NME5: variants seen among roughly 807,000 people sequenced by gnomAD.
NME5 encodes NME/NM23 family member 5, also known as nucleoside diphosphate kinase 5.
In NME5, 18 loss-of-function variants were observed where a neutral mutation model predicts 21.6. The ratio of observed to expected loss-of-function variants is 0.83; its 90% CI spans 0.58 to 1.24. The LOEUF is 1.24. NME5 is among the 50% of genes most tolerant of loss of function. The probability of loss-of-function intolerance (pLI) is 0.00; values close to 1 mark genes in which losing one functional copy is unlikely to be tolerated. For synonymous variants in NME5, 70 were observed against 80.6 expected (o/e 0.87, Z 0.71); for missense variants, 223 against 255.4 (o/e 0.87, Z 0.86).
chr5:138,133,452 T>C (rs989945963), intron 2 of NME5, among the ~76,000 whole-genome samples: 70 of 152,252 alleles, frequency 4.6e-4, no homozygotes, highest in African/African-American at 1.7e-3. Flanking sequence ...AATTATTCCA[T>C]TGGTTGCTTT....
At chr5:138,122,122 A>G (rs779438259) in intron 4 of NME5, among the ~76,000 whole-genome samples, 6 of 152,148 alleles carry the variant, frequency 3.9e-5, no homozygotes, top group Non-Finnish European at 8.8e-5. Context: ...TCAGTGTACA[A>G]GAATTGCACT....
chr5:138,136,792 G>A (rs1275714898), intron 2 of NME5, among the ~76,000 whole-genome samples: 4 of 151,850 alleles, frequency 2.6e-5, no homozygotes, highest in African/African-American at 7.3e-5. Flanking sequence ...ACAGGCATGC[G>A]CCCCCACGCC....
intron 4 of NME5, among the ~76,000 whole-genome samples, chr5:138,126,811 G>A (rs1703989497): frequency 6.6e-6 from 1 of 151,952 alleles, no homozygotes; most frequent in Admixed American, 6.6e-5. Flanking sequence ...AGCCGGGCGT[G>A]GTGATATGCG....
At chr5:138,126,716 G>A (rs907705959) in intron 4 of NME5, among the ~76,000 whole-genome samples, 4 of 152,044 alleles carry the variant, frequency 2.6e-5, no homozygotes, top group Middle Eastern at 3.4e-3. Context: ...GGGAGGTAGA[G>A]GCAGCAGTAT....
At chr5:138,121,679 C>T (rs1356164011) in intron 4 of NME5, among the ~76,000 whole-genome samples, 1 of 152,016 alleles carries the variant, frequency 6.6e-6, no homozygotes, top group Non-Finnish European at 1.5e-5. Flanking sequence ...ACTGTCATAC[C>T]GTCTTATAAT....
chr5:138,138,860 G>T, intron 1 of NME5, 75 bp from the exon 2 acceptor site: 1 of 1,329,870 alleles, frequency 7.5e-7, no homozygotes, highest in Non-Finnish European at 1.0e-6. Flanking sequence ...CACCCCCATC[G>T]CAAATTCAAT....
chr5:138,118,736 C>T (rs1751219144), intron 5 of NME5, 82 bp downstream of exon 5: 2 of 878,190 alleles, frequency 2.3e-6, no homozygotes, highest in East Asian at 5.2e-5. Flanking sequence ...CCCGCCTTGG[C>T]CTCCCAAAGT....
chr5:138,136,709 C>T (rs486835), intron 2 of NME5, among the ~76,000 whole-genome samples: 44,915 of 151,806 alleles, frequency 0.3, 7,549 homozygotes, highest in South Asian at 0.42. Context: ...ATGGCACGAT[C>T]TCGGCTCACG....
intron 2 of NME5, among the ~76,000 whole-genome samples, chr5:138,138,053 T>C (rs1751748306): frequency 6.6e-6 from 1 of 152,082 alleles, no homozygotes. Flanking sequence ...AAATATTCAA[T>C]TCTATTTGAT....
chr5:138,129,515 A>C (rs1424811930), intron 2 of NME5, 47 bp from the exon 3 acceptor site: 2 of 1,337,080 alleles, frequency 1.5e-6, no homozygotes, highest in Admixed American at 1.7e-5. Flanking sequence ...TGACAGTTCA[A>C]TGATAGCTCA....
chr5:138,134,001 C>T (rs534895366), intron 2 of NME5, among the ~76,000 whole-genome samples: 3 of 152,114 alleles, frequency 2.0e-5, no homozygotes, highest in East Asian at 1.9e-4. Context: ...TATATTTTAC[C>T]GCAATTAAAG....
At chr5:138,128,142 G>A (rs940471046) in intron 4 of NME5, among the ~76,000 whole-genome samples, 2 of 152,170 alleles carry the variant, frequency 1.3e-5, no homozygotes, top group Non-Finnish European at 2.9e-5. Flanking sequence ...CCGGAGCCCA[G>A]GAGTTTGAGG....
intron 2 of NME5, among the ~76,000 whole-genome samples, chr5:138,133,697 C>T (rs1445660716): frequency 6.6e-6 from 1 of 152,198 alleles, no homozygotes; most frequent in Non-Finnish European, 1.5e-5. Context: ...GCCTCAAGTT[C>T]ATTGGACTCC....
chr5:138,138,553 T>C, intron 2 of NME5, 99 bp downstream of exon 2: 1 of 988,658 alleles, frequency 1.0e-6, no homozygotes, highest in South Asian at 1.5e-5. Context: ...AATTTAATGC[T>C]GAACACTAAG....
chr5:138,133,571 A>G (rs1751622855), intron 2 of NME5, among the ~76,000 whole-genome samples: 1 of 152,170 alleles, frequency 6.6e-6, no homozygotes, highest in Non-Finnish European at 1.5e-5. Context: ...TTTCACAGAG[A>G]AGCAGTGATA....
intron 4 of NME5, among the ~76,000 whole-genome samples, chr5:138,126,627 A>G (rs964411766): frequency 4.6e-5 from 7 of 151,932 alleles, no homozygotes; most frequent in African/African-American, 1.7e-4. Context: ...TTTAAGATAA[A>G]ATGAAATTTT....
At position 138,115,601 on chromosome 5, in the gene NME5, G is replaced by C. The variant is rs1349654785; in HGVS notation, c.*80C>G. On this transcript the variant is annotated 3_prime_UTR_variant, in exon 6 of 6. Coordinates refer to ENST00000265191, the MANE Select transcript of NME5 (RefSeq NM_003551.3). Reference sequence around the variant, plus strand: ...TTTACTTGTAGTTACTTAAACCCTAGAAATAATTTTTTCAAACAGTAGAAG... The same window carrying C: ...TTTACTTGTAGTTACTTAAACCCTACAAATAATTTTTTCAAACAGTAGAAG... 8.8e-6 allele frequency: 7 copies of C among 792,308 alleles called. No homozygotes were observed. Among genetic ancestry groups the C allele is most frequent in the Non-Finnish European group, 3.9e-6 (2 of 513,608 alleles). The allele number at this position is 792,308 out of a possible 1,614,324, so 49.1% of individuals were successfully genotyped here.
Position 138,119,660 on chromosome 5 carries a change from TA to T in NME5, c.437-725del, listed in dbSNP as rs1263321334. ...TGTTTTCTTTTTCTTTTCTTTTCTT[TA>T]TTTTTTTTTTTTTGAGACAGAGTTT... On this transcript the variant is annotated intron_variant, in intron 4 of 5. Transcript: ENST00000265191. Among the ~76,000 whole-genome samples the T allele has an allele frequency of 9.7e-4, 115 of 118,110 alleles. 2 individuals are homozygous for T. In the South Asian group the frequency reaches 0.011, roughly 11 times the overall value. The allele number at this position is 118,110 out of a possible 152,430, so 77.5% of individuals were successfully genotyped here.
At chr5:138,126,460 G>A (rs1001501831) in intron 4 of NME5, among the ~76,000 whole-genome samples, 1 of 130,402 alleles carries the variant, frequency 7.7e-6, no homozygotes, top group Non-Finnish European at 1.6e-5. Flanking sequence ...GCGGTGAGCT[G>A]TGATTGTGCC....
Sources: allele counts gnomAD v4.1 joint callset (sites outside exome capture counted in the v4.1 genomes callset), GRCh38; gene constraint gnomAD v4.1.1; transcripts MANE v1.5; gene names NCBI Gene and HGNC (gene_info 2026-07-23, HGNC 2026-07-21).